The following MALT1 variants were observed in gnomAD, a reference collection of about 807,000 sequenced individuals.
The protein encoded by MALT1 is mucosa-associated lymphoid tissue lymphoma translocation protein 1.
A neutral mutation model predicts 85.5 loss-of-function variants in MALT1; 36 were observed. That is an observed-to-expected ratio of 0.42 (90% CI 0.32 to 0.56). The LOEUF (loss-of-function observed/expected upper bound fraction) is 0.56. Ranked by LOEUF, MALT1 falls within the 20% of genes least tolerant of loss-of-function variation. The pLI, the probability that MALT1 is intolerant of heterozygous loss-of-function variation, is 0.10. For missense variants in MALT1, 716 were observed against 981.6 expected, an observed-to-expected ratio of 0.73 and a Z score of 3.62; for synonymous variants, 359 against 361.3, an observed-to-expected ratio of 0.99 and a Z score of 0.07.
At chr18:58,694,635 C>G (rs2054561487) in intron 2 of MALT1, among the ~76,000 whole-genome samples, 2 of 152,186 alleles carry the variant, frequency 1.3e-5, no homozygotes, top group South Asian at 4.1e-4. Flanking sequence ...TGTCAGTTAT[C>G]TATTGCTGCA....
chr18:58,680,129 G>T (rs1441583964), intron 1 of MALT1, among the ~76,000 whole-genome samples: 1 of 152,212 alleles, frequency 6.6e-6, no homozygotes, highest in Admixed American at 6.5e-5. Flanking sequence ...CTTACCCTCT[G>T]TGAGGCAACT....
intron 1 of MALT1, among the ~76,000 whole-genome samples, chr18:58,679,894 CT>C (rs767469411): frequency 6.6e-6 from 1 of 152,064 alleles, no homozygotes; most frequent in Non-Finnish European, 1.5e-5. Context: ...TCTAAATATA[CT>C]TTTTAAAAAT....
At position 58,727,985 on chromosome 18, in the gene MALT1, C is replaced by T. The variant is rs560276868; in HGVS notation, c.1222+4734C>T. ...ACCGTGCCTGGCACATAGTAAGTGC[C>T]GTGTAAGCCTGCTGGGGTGGCGGGT... On this transcript the variant is annotated intron_variant, in intron 10 of 16. Transcript: ENST00000649217. Among the ~76,000 whole-genome samples, 11 of 152,152 alleles carry T rather than the reference C, an allele frequency of 7.2e-5. No individual in the cohort carries two copies. The South Asian group carries it at 8.3e-4, about 11-fold the overall frequency.
At chr18:58,711,947 C>T (rs540663078) in intron 7 of MALT1, among the ~76,000 whole-genome samples, 53 of 152,276 alleles carry the variant, frequency 3.5e-4, no homozygotes, top group Admixed American at 1.2e-3. Flanking sequence ...CTCTTCCTCT[C>T]CTAATCCTTT....
chr18:58,734,508 A>G, intron 12 of MALT1, 127 bp downstream of exon 12: 1 of 705,102 alleles, frequency 1.4e-6, no homozygotes, highest in Non-Finnish European at 2.6e-6. Flanking sequence ...ATCATAGCTC[A>G]CTGCTCCTGG....
In MALT1 at chr18:58,748,004, A is replaced by C. The variant is rs530257421; in HGVS notation, c.*162A>C. 1.7e-6 allele frequency: 1 copy of C among 601,514 alleles called. No homozygotes were observed. The highest frequency in any genetic ancestry group is 1.9e-5 in the African/African-American group (1 of 53,982). The allele number at this position is 601,514 out of a possible 1,614,324, so 37.3% of individuals were successfully genotyped here. A position where few individuals can be genotyped will look rare whatever the true frequency, so the allele number is the denominator to read the frequency against. On this transcript the variant is annotated 3_prime_UTR_variant, in exon 17 of 17. Transcript: ENST00000649217. ...CAGGACTTTGAGATGTTGAAATTACATTATTTAATTACAGACTTCCTCTTT... is the reference window on the plus strand; with the variant it reads ...CAGGACTTTGAGATGTTGAAATTACCTTATTTAATTACAGACTTCCTCTTT...
chr18:58,733,705 C>A, intron 11 of MALT1, 131 bp downstream of exon 11: 1 of 815,454 alleles, frequency 1.2e-6, no homozygotes, highest in Non-Finnish European at 1.9e-6. Context: ...ACTGGAAGAA[C>A]AAAACTAGAG....
chr18:58,676,510 T>C (rs2054242619), intron 1 of MALT1, among the ~76,000 whole-genome samples: 1 of 152,228 alleles, frequency 6.6e-6, no homozygotes, highest in African/African-American at 2.4e-5. Flanking sequence ...TTGGACACAG[T>C]AGTCTTTGTA....
chr18:58,730,465 T>C (rs2055132299), intron 10 of MALT1, among the ~76,000 whole-genome samples: 1 of 152,248 alleles, frequency 6.6e-6, no homozygotes, highest in South Asian at 2.1e-4. Flanking sequence ...TTCATTCATA[T>C]TGTAGCATGT....
chr18:58,704,655 A>C (rs2054720023), intron 4 of MALT1, among the ~76,000 whole-genome samples: 1 of 152,166 alleles, frequency 6.6e-6, no homozygotes, highest in South Asian at 2.1e-4. Flanking sequence ...ATGGGATTTC[A>C]TCATGTTGCC....
At position 58,741,558 on chromosome 18, in the gene MALT1, T is replaced by C. The variant is rs8090575; in HGVS notation, c.1604-307T>C. ...CTAAATTTAAATTGATGTGTATCCA[T>C]ATACATTAGTCTATCTAAAACATGT... On this transcript the variant is annotated intron_variant, in intron 13 of 16. Transcript: ENST00000649217. 1,124 of 177,778 alleles carry C rather than the reference T, an allele frequency of 6.3e-3. 14 individuals are homozygous for C. Among genetic ancestry groups the C allele is most frequent in the African/African-American group, 0.025 (1,063 of 42,612 alleles). The allele number at this position is 177,778 out of a possible 1,614,324, so 11.0% of individuals were successfully genotyped here. A position where few individuals can be genotyped will look rare whatever the true frequency, so the allele number is the denominator to read the frequency against.
chr18:58,744,266 A>G, intron 14 of MALT1, 72 bp from the exon 15 acceptor site: 1 of 968,688 alleles, frequency 1.0e-6, no homozygotes, highest in Non-Finnish European at 1.5e-6. Context: ...TGCTAACTAT[A>G]TTCTCCTCCA....
At chr18:58,736,107 GCGAGA>G (rs1196668445) in intron 13 of MALT1, among the ~76,000 whole-genome samples, 1 of 152,080 alleles carries the variant, frequency 6.6e-6, no homozygotes, top group Non-Finnish European at 1.5e-5. Context: ...AGGCAACATA[GCGAGA>G]CCCTGTCTTC....
chr18:58,744,346 G>C lies in MALT1; in HGVS notation c.1762G>C (p.Glu588Gln), dbSNP rs200942089. ...TTATTGTTCTTTTTCAGAACTTCCAGAAAGTATGTGTCTTAAGTTTGACTG... is the reference window on the plus strand; with the variant it reads ...TTATTGTTCTTTTTCAGAACTTCCACAAAGTATGTGTCTTAAGTTTGACTG... ...LQWAKAHELPESMCLKFDCGV... is the reference protein window; with the variant it reads ...LQWAKAHELPQSMCLKFDCGV... The change falls in exon 15 of 17, where the codon GAA becomes CAA. Residue 588 changes from glutamate (E) to glutamine (Q), a missense_variant. Physicochemically the swap from Glu to Gln is conservative, Grantham distance 29. Transcript: ENST00000649217. 3.8e-6 allele frequency: 6 copies of C among 1,588,172 alleles called. No individual in the cohort carries two copies. The highest frequency in any genetic ancestry group is 5.1e-6 in the Non-Finnish European group (6 of 1,167,988).
rs146135566 is a variant in MALT1 at position 58,688,031 on chromosome 18, T to A, written c.376+6695T>A. Reference sequence around the variant, plus strand: ...GTTTAAAATAGAACTTTCATTTGTATGCCTTCGTACAGCCTACGTAGCACT... The same window carrying A: ...GTTTAAAATAGAACTTTCATTTGTAAGCCTTCGTACAGCCTACGTAGCACT... On this transcript the variant is annotated intron_variant, in intron 2 of 16. Transcript: ENST00000649217. Among the ~76,000 whole-genome samples, 5 of 152,328 alleles carry A rather than the reference T, an allele frequency of 3.3e-5. No individual in the cohort carries two copies. In the Middle Eastern group the frequency reaches 0.01, roughly 311 times the overall value.
In MALT1 at chr18:58,681,911, T is replaced by C. The variant is rs145602620; in HGVS notation, c.376+575T>C. ...GGCGAGGCTTAGGAAACAGTCCCTC[T>C]TCTCCATTCAGCTGCTCTCCTCTCA... On this transcript the variant is annotated intron_variant, in intron 2 of 16. Coordinates refer to ENST00000649217, the MANE Select transcript of MALT1 (RefSeq NM_006785.4). 2.5e-3 allele frequency among the ~76,000 whole-genome samples: 383 copies of C among 152,304 alleles called. 1 individual carries two copies. Among genetic ancestry groups the C allele is most frequent in the African/African-American group, 8.1e-3 (337 of 41,550 alleles).
At chr18:58,721,775 A>C (rs1343450287) in intron 9 of MALT1, among the ~76,000 whole-genome samples, 1 of 152,184 alleles carries the variant, frequency 6.6e-6, no homozygotes, top group African/African-American at 2.4e-5. Context: ...TCGAGTCAGC[A>C]ATGTGATTAT....
At chr18:58,701,867 G>A (rs911941925) in intron 4 of MALT1, among the ~76,000 whole-genome samples, 9 of 152,084 alleles carry the variant, frequency 5.9e-5, no homozygotes, top group African/African-American at 1.9e-4. Context: ...ATAATCTTTC[G>A]TAAAAACAAA....
At chr18:58,722,325 G>A (rs1264608377) in intron 9 of MALT1, among the ~76,000 whole-genome samples, 1 of 151,608 alleles carries the variant, frequency 6.6e-6, no homozygotes, top group Admixed American at 6.6e-5. Context: ...TTTCTCTTAT[G>A]AACAAAAAAA....
Sources: allele counts gnomAD v4.1 joint callset (sites outside exome capture counted in the v4.1 genomes callset), GRCh38; gene constraint gnomAD v4.1.1; transcripts MANE v1.5; gene names NCBI Gene and HGNC (gene_info 2026-07-23, HGNC 2026-07-21).